GRID2: variants seen among roughly 807,000 people sequenced by gnomAD.
GRID2 encodes the protein glutamate receptor ionotropic, delta-2.
A neutral mutation model predicts 114.8 loss-of-function variants in GRID2; 33 were observed. The observed-to-expected ratio is 0.29, with a 90% CI of 0.22 to 0.38. The LOEUF is 0.38. GRID2 is among the 10% of genes least tolerant of loss of function. The probability of loss-of-function intolerance (pLI) is 1.00; values close to 1 mark genes in which losing one functional copy is unlikely to be tolerated. For synonymous variants in GRID2, 505 were observed against 449.9 expected (o/e 1.12, Z -1.55); for missense variants, 1,184 against 1,257.7 (o/e 0.94, Z 0.89).
chr4:93,096,371 C>T (rs1042387722), intron 3 of GRID2, among the ~76,000 whole-genome samples: 1 of 151,964 alleles, frequency 6.6e-6, no homozygotes. Flanking sequence ...ACGTTCTGCT[C>T]ATTAACATAC....
At chr4:92,841,947 G>C (rs1239976412) in intron 2 of GRID2, among the ~76,000 whole-genome samples, 1 of 152,038 alleles carries the variant, frequency 6.6e-6, no homozygotes, top group Non-Finnish European at 1.5e-5. Context: ...AATAGGCAGG[G>C]CTGCAGTAAA....
chr4:92,618,351 C>A lies in GRID2; in HGVS notation c.244+28065C>A, dbSNP rs1730107370. On this transcript the variant is annotated intron_variant, in intron 2 of 15. Coordinates refer to ENST00000282020, the MANE Select transcript of GRID2 (RefSeq NM_001510.4). ...TGGATTAATTTCTGGGTTCTCTTTT[C>A]TGTTTAATTGGTCTATATTTCTGTT... 2.6e-5 allele frequency among the ~76,000 whole-genome samples: 4 copies of A among 151,614 alleles called. No homozygotes were observed. In the Admixed American group the frequency reaches 2.6e-4, roughly 10 times the overall value.
chr4:93,680,700 C>T (rs1315299140), intron 14 of GRID2, among the ~76,000 whole-genome samples: 1 of 151,444 alleles, frequency 6.6e-6, no homozygotes, highest in African/African-American at 2.4e-5. Flanking sequence ...TCAATAGATG[C>T]AGAAAAGGCC....
intron 8 of GRID2, among the ~76,000 whole-genome samples, chr4:93,356,814 TG>T (rs1337554594): frequency 1.3e-5 from 2 of 151,870 alleles, no homozygotes; most frequent in East Asian, 3.9e-4. Context: ...TTGAGTAATA[TG>T]GGGTCAAACA....
intron 14 of GRID2, among the ~76,000 whole-genome samples, chr4:93,715,991 A>G (rs1728870803): frequency 6.6e-6 from 1 of 152,144 alleles, no homozygotes; most frequent in Non-Finnish European, 1.5e-5. Flanking sequence ...GAGAGAGGGT[A>G]TCCTTGTCTT....
intron 9 of GRID2, among the ~76,000 whole-genome samples, chr4:93,414,685 TTA>T (rs34416042): frequency 0.48 from 67,932 of 140,454 alleles, 16,480 homozygotes; most frequent in East Asian, 0.65. Flanking sequence ...ATCTGACATT[TTA>T]TATATATATA....
chr4:93,336,297 A>G (rs527676440), intron 8 of GRID2, among the ~76,000 whole-genome samples: 58 of 152,240 alleles, frequency 3.8e-4, no homozygotes, highest in South Asian at 1.4e-3. Context: ...TAGCAATGAT[A>G]TTCTATGTTT....
chr4:93,498,156 A>G (rs541383482), intron 12 of GRID2, among the ~76,000 whole-genome samples: 2 of 151,992 alleles, frequency 1.3e-5, no homozygotes, highest in South Asian at 4.1e-4. Flanking sequence ...TAAAGAATAG[A>G]AATTTATTTC....
chr4:92,956,895 A>G (rs887056169), intron 2 of GRID2, among the ~76,000 whole-genome samples: 8 of 152,094 alleles, frequency 5.3e-5, no homozygotes, highest in African/African-American at 1.4e-4. Context: ...TTTAATTTGC[A>G]TTTCCCTAAT....
At chr4:93,568,589 T>A (rs1463414875) in intron 13 of GRID2, among the ~76,000 whole-genome samples, 1 of 152,154 alleles carries the variant, frequency 6.6e-6, no homozygotes, top group Non-Finnish European at 1.5e-5. Flanking sequence ...AAAACAAATT[T>A]CATAATAGAT....
chr4:92,335,448 C>T (rs1394804081), intron 1 of GRID2, among the ~76,000 whole-genome samples: 1 of 151,618 alleles, frequency 6.6e-6, no homozygotes, highest in Non-Finnish European at 1.5e-5. Context: ...TCTCAGTAAT[C>T]ATTAATCATT....
At chr4:92,506,342 G>A (rs112198389) in intron 1 of GRID2, among the ~76,000 whole-genome samples, 2 of 152,000 alleles carry the variant, frequency 1.3e-5, no homozygotes, top group African/African-American at 4.8e-5. Context: ...AACTTTAAGT[G>A]ACTATGTGAC....
At chr4:92,646,869 C>T (rs972702558) in intron 2 of GRID2, among the ~76,000 whole-genome samples, 4 of 151,568 alleles carry the variant, frequency 2.6e-5, no homozygotes, top group African/African-American at 4.9e-5. Flanking sequence ...CAAACTTATA[C>T]AATCACAGTC....
chr4:93,067,628 C>T (rs1038190369), intron 2 of GRID2, among the ~76,000 whole-genome samples: 5 of 151,900 alleles, frequency 3.3e-5, no homozygotes, highest in Non-Finnish European at 5.9e-5. Flanking sequence ...GACCATAGCA[C>T]TTATGATTAC....
chr4:93,204,435 G>C (rs1270142556), intron 4 of GRID2, among the ~76,000 whole-genome samples: 3 of 152,074 alleles, frequency 2.0e-5, no homozygotes, highest in Admixed American at 2.0e-4. Context: ...GTAGTAATGT[G>C]CTAATGTTTG....
chr4:92,555,950 C>A (rs1726828920), intron 1 of GRID2, among the ~76,000 whole-genome samples: 1 of 152,120 alleles, frequency 6.6e-6, no homozygotes. Flanking sequence ...TCCTAGATTT[C>A]AAAGACATAT....
At chr4:93,347,518 G>C (rs1760358929) in intron 8 of GRID2, among the ~76,000 whole-genome samples, 5 of 152,042 alleles carry the variant, frequency 3.3e-5, no homozygotes, top group Admixed American at 1.3e-4. Context: ...CCTATAAGTG[G>C]TAGTTGAGAA....
At chr4:92,543,536 C>T (rs1398577347) in intron 1 of GRID2, among the ~76,000 whole-genome samples, 6 of 152,022 alleles carry the variant, frequency 3.9e-5, no homozygotes, top group African/African-American at 1.5e-4. Context: ...TTGTTCACTC[C>T]ATCAAATACT....
intron 10 of GRID2, among the ~76,000 whole-genome samples, chr4:93,433,051 C>A (rs766625712): frequency 6.6e-6 from 1 of 152,152 alleles, no homozygotes; most frequent in East Asian, 1.9e-4. Context: ...GCCTGGATGA[C>A]AGAGTGAGAT....
Sources: gnomAD v4.1 joint callset for allele counts (sites outside exome capture counted in the v4.1 genomes callset) on GRCh38, gnomAD v4.1.1 for gene constraint, MANE v1.5 for transcripts, NCBI Gene and HGNC (gene_info 2026-07-23, HGNC 2026-07-21) for gene names.